ITFG1: variants seen among roughly 807,000 people sequenced by gnomAD.
The protein encoded by ITFG1 is integrin alpha FG-GAP repeat containing 1, also known as T-cell immunomodulatory protein.
In ITFG1, 34 loss-of-function variants were observed where a neutral mutation model predicts 81.8. That is an observed-to-expected ratio of 0.42 (90% CI 0.32 to 0.55). The LOEUF (loss-of-function observed/expected upper bound fraction) is 0.55, where lower values mean the gene tolerates loss of function less well. Among genes scored for constraint, ITFG1 ranks in the 20% least tolerant of loss-of-function variants. The pLI, the probability that ITFG1 is intolerant of heterozygous loss-of-function variation, is 0.17. For synonymous variants in ITFG1, 285 were observed against 270.6 expected (o/e 1.05, Z -0.52); for missense variants, 672 against 755.4 (o/e 0.89, Z 1.29).
intron 8 of ITFG1, among the ~76,000 whole-genome samples, chr16:47,354,776 T>C (rs1464351288): frequency 6.6e-6 from 1 of 151,916 alleles, no homozygotes; most frequent in East Asian, 1.9e-4. Context: ...AAATGGCCAA[T>C]AAGTATATGA....
intron 3 of ITFG1, 111 bp from the exon 4 acceptor site, chr16:47,452,901 T>C: frequency 1.7e-6 from 1 of 578,364 alleles, no homozygotes; most frequent in Non-Finnish European, 3.0e-6. Context: ...ATCTCTGATT[T>C]ATTCCAACTA....
intron 14 of ITFG1, among the ~76,000 whole-genome samples, chr16:47,165,498 T>C (rs1416042160): frequency 6.6e-6 from 1 of 152,272 alleles, no homozygotes; most frequent in Non-Finnish European, 1.5e-5. Context: ...GTATCTCACA[T>C]AGTAAATAAT....
intron 6 of ITFG1, among the ~76,000 whole-genome samples, chr16:47,403,667 T>C (rs1357242096): frequency 6.6e-6 from 1 of 152,092 alleles, no homozygotes; most frequent in East Asian, 1.9e-4. Context: ...TCTTCAGAGA[T>C]GCATGTGCAA....
chr16:47,388,663 G>A (rs1372265145), intron 6 of ITFG1, among the ~76,000 whole-genome samples: 1 of 152,136 alleles, frequency 6.6e-6, no homozygotes, highest in African/African-American at 2.4e-5. Flanking sequence ...GAAAAACGGA[G>A]ATAATTCACT....
At chr16:47,380,139 A>C (rs1157824510) in intron 6 of ITFG1, among the ~76,000 whole-genome samples, 1 of 152,016 alleles carries the variant, frequency 6.6e-6, no homozygotes, top group Non-Finnish European at 1.5e-5. Context: ...AAGGGAACCC[A>C]AGAAGGTTAA....
intron 8 of ITFG1, among the ~76,000 whole-genome samples, chr16:47,325,927 C>G (rs1389153016): frequency 3.9e-5 from 6 of 152,138 alleles, no homozygotes; most frequent in African/African-American, 1.2e-4. Flanking sequence ...CCTTATGAAA[C>G]TACTCCAATC....
chr16:47,274,616 G>C (rs985653492), intron 10 of ITFG1, among the ~76,000 whole-genome samples: 2 of 152,176 alleles, frequency 1.3e-5, no homozygotes, highest in African/African-American at 4.8e-5. Context: ...CACATGCTAT[G>C]AGATGAAATT....
At chr16:47,386,302 A>G (rs997963440) in intron 6 of ITFG1, among the ~76,000 whole-genome samples, 3 of 152,214 alleles carry the variant, frequency 2.0e-5, no homozygotes, top group Non-Finnish European at 4.4e-5. Flanking sequence ...CTTTTGAACT[A>G]CTACCTGCTC....
At chr16:47,437,060 C>T (rs1969176286) in intron 5 of ITFG1, among the ~76,000 whole-genome samples, 1 of 151,938 alleles carries the variant, frequency 6.6e-6, no homozygotes, top group African/African-American at 2.4e-5. Flanking sequence ...AATATTTCTA[C>T]TTTTTTTATG....
At chr16:47,387,338 A>G (rs191950228) in intron 6 of ITFG1, among the ~76,000 whole-genome samples, 56 of 152,340 alleles carry the variant, frequency 3.7e-4, no homozygotes, top group African/African-American at 1.3e-3. Flanking sequence ...AGCTTTGGGG[A>G]GTGGAGGGCA....
intron 7 of ITFG1, among the ~76,000 whole-genome samples, chr16:47,375,656 G>T (rs993549517): frequency 1.1e-4 from 16 of 152,178 alleles, no homozygotes; most frequent in Non-Finnish European, 1.9e-4. Context: ...TGGTTTAATT[G>T]GCAGTCATGC....
At chr16:47,386,404 G>A (rs938741792) in intron 6 of ITFG1, among the ~76,000 whole-genome samples, 1 of 152,178 alleles carries the variant, frequency 6.6e-6, no homozygotes, top group Non-Finnish European at 1.5e-5. Context: ...CCAGCTCCTA[G>A]TCAAGGACTG....
intron 14 of ITFG1, among the ~76,000 whole-genome samples, chr16:47,184,642 A>G (rs1169400547): frequency 2.0e-5 from 3 of 152,144 alleles, no homozygotes; most frequent in African/African-American, 7.2e-5. Context: ...TAAACATGGA[A>G]AGGAACAACT....
intron 17 of ITFG1, 41 bp downstream of exon 17, chr16:47,158,832 A>G (rs762435368): frequency 1.8e-6 from 2 of 1,112,802 alleles, no homozygotes; most frequent in Admixed American, 4.0e-5. Context: ...TATTACTAGA[A>G]TAAATTAACC....
At chr16:47,304,023 A>T (rs1967119321) in intron 10 of ITFG1, among the ~76,000 whole-genome samples, 1 of 152,190 alleles carries the variant, frequency 6.6e-6, no homozygotes, top group Non-Finnish European at 1.5e-5. Flanking sequence ...GAAAAAAAAA[A>T]TTCTTAGATT....
At chr16:47,382,515 G>A (rs374202733) in intron 6 of ITFG1, among the ~76,000 whole-genome samples, 1 of 152,002 alleles carries the variant, frequency 6.6e-6, no homozygotes, top group Non-Finnish European at 1.5e-5. Context: ...AATTCAAGAC[G>A]GTACACAACA....
chr16:47,308,405 T>C (rs1181704377), intron 10 of ITFG1, among the ~76,000 whole-genome samples: 1 of 152,186 alleles, frequency 6.6e-6, no homozygotes, highest in Non-Finnish European at 1.5e-5. Flanking sequence ...AAGTAGAACA[T>C]CTGCAACATA....
chr16:47,347,528 G>A (rs1039668930), intron 8 of ITFG1, among the ~76,000 whole-genome samples: 23 of 152,142 alleles, frequency 1.5e-4, no homozygotes, highest in Admixed American at 1.0e-3. Flanking sequence ...GGATTGAGTA[G>A]GTAAACAAAG....
chr16:47,383,116 T>C (rs1281138585), intron 6 of ITFG1, among the ~76,000 whole-genome samples: 1 of 152,126 alleles, frequency 6.6e-6, no homozygotes, highest in African/African-American at 2.4e-5. Context: ...TTTATATGGG[T>C]TAATAGACAT....
Sources: gnomAD v4.1 joint callset for allele counts (sites outside exome capture counted in the v4.1 genomes callset) on GRCh38, gnomAD v4.1.1 for gene constraint, MANE v1.5 for transcripts, NCBI Gene and HGNC (gene_info 2026-07-23, HGNC 2026-07-21) for gene names.